The following CHAC2 variants were observed in gnomAD, a reference collection of about 807,000 sequenced individuals.
CHAC2 encodes the protein glutathione-specific gamma-glutamylcyclotransferase 2.
CHAC2 carries 20 observed loss-of-function variants against 16.9 expected under a neutral mutation model. The observed-to-expected ratio is 1.18, with a 90% CI of 0.83 to 1.72. The LOEUF is 1.72. CHAC2 is among the 40% of genes most tolerant of loss of function. CHAC2 has a pLI of 0.00. For missense variants in CHAC2, 269 were observed against 222.2 expected (o/e 1.21, Z -1.34); for synonymous variants, 91 against 77.3 (o/e 1.18, Z -0.93).
Position 53,767,819 on chromosome 2 carries a change from G to GCTT in CHAC2, c.-66_-64dup, listed in dbSNP as rs1243932923. Reference sequence around the variant, plus strand: ...GCGGCCGGTTACTCGCTTACCGGAGGCTTCAGTCCCCGGCGGCGCGGCGAC... The same window carrying GCTT: ...GCGGCCGGTTACTCGCTTACCGGAGGCTTCTTCAGTCCCCGGCGGCGCGGCGAC... On this transcript the variant is annotated 5_prime_UTR_variant, in exon 1 of 3. Coordinates refer to ENST00000295304, the MANE Select transcript of CHAC2 (RefSeq NM_001008708.4). 4.6e-6 allele frequency: 7 copies of GCTT among 1,535,210 alleles called. No individual in the cohort carries two copies. The highest frequency in any genetic ancestry group is 1.4e-5 in the African/African-American group (1 of 72,988).
chr2:53,769,678 G>A (rs1249873548), intron 1 of CHAC2, among the ~76,000 whole-genome samples: 1 of 151,276 alleles, frequency 6.6e-6, no homozygotes, highest in East Asian at 1.9e-4. Flanking sequence ...GAAACCCCCT[G>A]TCTACTAAAA....
intron 1 of CHAC2, among the ~76,000 whole-genome samples, chr2:53,769,458 T>G (rs1313326601): frequency 2.6e-5 from 4 of 152,236 alleles, no homozygotes. Flanking sequence ...AAATGTACAG[T>G]GTGTTACAAA....
Position 53,774,248 on chromosome 2 carries a change from T to G in CHAC2, c.278T>G (p.Ile93Ser), listed in dbSNP as rs1217789781. The G allele has an allele frequency of 1.2e-6, 2 of 1,614,150 alleles. No individual in the cohort carries two copies. Among genetic ancestry groups the G allele is most frequent in the Non-Finnish European group, 1.7e-6 (2 of 1,180,030 alleles). The change falls in exon 3 of 3, where the codon ATT becomes AGT. Residue 93 changes from isoleucine to serine, a missense_variant. Coordinates refer to ENST00000295304, the MANE Select transcript of CHAC2 (RefSeq NM_001008708.4). ...EKGGYRTTTVIFYPKDPTTKP... is the reference protein window; with the variant it reads ...EKGGYRTTTVSFYPKDPTTKP... Reference sequence around the variant, plus strand: ...GGAGGCTACAGAACCACAACAGTCATTTTTTATCCAAAAGATCCCACAACA... The same window carrying G: ...GGAGGCTACAGAACCACAACAGTCAGTTTTTATCCAAAAGATCCCACAACA...
rs751145731 is a variant in CHAC2 at position 53,767,852 on chromosome 2, G to A, written c.-35G>A. On this transcript the variant is annotated 5_prime_UTR_variant, in exon 1 of 3. Transcript: ENST00000295304. ...CCCCGGCGGCGCGGCGACAGCTAGG[G>A]TTCACGGCCACTGGGGCAGAGGAGC... 15 of 1,582,700 alleles carry A rather than the reference G, an allele frequency of 9.5e-6. No homozygotes were observed. The highest frequency in any genetic ancestry group is 1.2e-5 in the Non-Finnish European group (14 of 1,163,960).
intron 1 of CHAC2, 98 bp downstream of exon 1, chr2:53,768,119 C>CT (rs1673622806): frequency 1.3e-5 from 18 of 1,378,292 alleles, no homozygotes; most frequent in Non-Finnish European, 1.6e-5. Flanking sequence ...CACCTTAGCG[C>CT]TTCATGGGGC....
intron 2 of CHAC2, 95 bp from the exon 3 acceptor site, chr2:53,774,047 A>G (rs1674148508): frequency 3.8e-6 from 5 of 1,309,632 alleles, no homozygotes; most frequent in African/African-American, 1.5e-5. Context: ...AACAAACAGA[A>G]AAGAATATAT....
rs1674169712 is a variant in CHAC2 at position 53,774,271 on chromosome 2, A to G, written c.301A>G (p.Thr101Ala). 1.2e-6 allele frequency: 2 copies of G among 1,614,184 alleles called. No individual in the cohort carries two copies. The highest frequency in any genetic ancestry group is 1.7e-6 in the Non-Finnish European group (2 of 1,180,030). ...TVIFYPKDPT[T>A]KPFSVLLYIG... ...CATTTTTTATCCAAAAGATCCCACA[A>G]CAAAACCATTCAGTGTATTGCTATA... Residue 101 changes from threonine (T) to alanine (A), a missense_variant, in exon 3 of 3, where the codon ACA (threonine) becomes GCA (alanine). Coordinates refer to ENST00000295304, the MANE Select transcript of CHAC2 (RefSeq NM_001008708.4).
Position 53,767,890 on chromosome 2 carries a change from T to A in CHAC2, c.4T>A (p.Trp2Arg). 6.2e-7 allele frequency: 1 copy of A among 1,610,272 alleles called. No homozygotes were observed. Among genetic ancestry groups the A allele is most frequent in the Non-Finnish European group, 8.5e-7 (1 of 1,178,420 alleles). M[W>R]VFGYGSLIWK... ...GGGGCAGAGGAGCCGCGAGAAGATG[T>A]GGGTTTTTGGTTACGGGTCCCTGAT... The change falls in exon 1 of 3, where the codon TGG becomes AGG. Residue 2 changes from tryptophan to arginine, a missense_variant. Trp to Arg is a moderately radical substitution (Grantham distance 101). Transcript: ENST00000295304.
rs373573897 is a variant in CHAC2 at position 53,774,191 on chromosome 2, A to T, written c.221A>T (p.Glu74Val). 1.5e-5 allele frequency: 24 copies of T among 1,613,140 alleles called. No homozygotes were observed. The highest frequency in any genetic ancestry group is 1.6e-4 in the Middle Eastern group (1 of 6,078). ...AYRLPVGKEE[E>V]VKAYLDFREK... Reference sequence around the variant, plus strand: ...AGATTGCCAGTAGGAAAGGAAGAAGAAGTAAAAGCATACCTTGACTTCAGA... The same window carrying T: ...AGATTGCCAGTAGGAAAGGAAGAAGTAGTAAAAGCATACCTTGACTTCAGA... The change falls in exon 3 of 3, where the codon GAA becomes GTA. Residue 74 changes from glutamate to valine, a missense_variant. Physicochemically the swap from Glu to Val is moderately radical, Grantham distance 121. Coordinates refer to ENST00000295304, the MANE Select transcript of CHAC2 (RefSeq NM_001008708.4).
At chr2:53,768,397 G>T (rs1345270113) in intron 1 of CHAC2, among the ~76,000 whole-genome samples, 2 of 152,240 alleles carry the variant, frequency 1.3e-5, no homozygotes, top group Admixed American at 6.5e-5. Flanking sequence ...AGTTGAAATA[G>T]TAAATCAAGT....
rs531154748 is a variant in CHAC2, at chr2:53,774,350, T to A, written c.380T>A (p.Ile127Asn). The change falls in exon 3 of 3, where the codon ATT (isoleucine) becomes AAT (asparagine). Residue 127 changes from isoleucine (I) to asparagine (N), a missense_variant. By Grantham distance (149) the Ile-to-Asn change is moderately radical. Coordinates refer to ENST00000295304, the MANE Select transcript of CHAC2 (RefSeq NM_001008708.4). ...DYLGPAPLED[I>N]AEQIFNAAGP... Reference sequence around the variant, plus strand: ...CTTGGTCCTGCACCTCTGGAAGACATTGCTGAACAAATTTTTAATGCAGCT... The same window carrying A: ...CTTGGTCCTGCACCTCTGGAAGACAATGCTGAACAAATTTTTAATGCAGCT... 1 of 1,613,330 alleles carries A rather than the reference T, an allele frequency of 6.2e-7. No individual in the cohort carries two copies. The highest frequency in any genetic ancestry group is 2.2e-5 in the East Asian group (1 of 44,840).
rs975368860 is a variant in CHAC2, at chr2:53,768,205, C to T, written c.135+184C>T. ...CCCGCCATCTCTAACCCAGCCCGGG[C>T]ACTCCTTCCGAAGCTGCTTAAGATG... On this transcript the variant is annotated intron_variant, in intron 1 of 2. Coordinates refer to ENST00000295304, the MANE Select transcript of CHAC2 (RefSeq NM_001008708.4). 6 of 674,888 alleles carry T rather than the reference C, an allele frequency of 8.9e-6. No individual in the cohort carries two copies. The Admixed American group carries it at 1.5e-4, about 17-fold the overall frequency. 41.8% of individuals were successfully genotyped at this position (674,888 alleles called of 1,614,324 possible). A position where few individuals can be genotyped will look rare whatever the true frequency, so the allele number is the denominator to read the frequency against.
At position 53,767,844 on chromosome 2, in the gene CHAC2, C is replaced by T; in HGVS notation, c.-43C>T. 1 of 1,572,098 alleles carries T rather than the reference C, an allele frequency of 6.4e-7. No individual in the cohort carries two copies. The highest frequency in any genetic ancestry group is 8.6e-7 in the Non-Finnish European group (1 of 1,157,528). Reference sequence around the variant, plus strand: ...GCTTCAGTCCCCGGCGGCGCGGCGACAGCTAGGGTTCACGGCCACTGGGGC... The same window carrying T: ...GCTTCAGTCCCCGGCGGCGCGGCGATAGCTAGGGTTCACGGCCACTGGGGC... On this transcript the variant is annotated 5_prime_UTR_variant, in exon 1 of 3. Coordinates refer to ENST00000295304, the MANE Select transcript of CHAC2 (RefSeq NM_001008708.4).
At chr2:53,772,473 C>T (rs942429791) in intron 2 of CHAC2, among the ~76,000 whole-genome samples, 10 of 151,986 alleles carry the variant, frequency 6.6e-5, no homozygotes, top group African/African-American at 4.8e-5. Context: ...CGCGCCCAGC[C>T]GTGGGATTTT....
chr2:53,768,127 G>C (rs1673623392), intron 1 of CHAC2, 106 bp downstream of exon 1: 2 of 1,309,246 alleles, frequency 1.5e-6, no homozygotes, highest in African/African-American at 1.5e-5. Context: ...CGCTTCATGG[G>C]GCCAAAGCAC....
In CHAC2 at chr2:53,774,446, A is replaced by T; in HGVS notation, c.476A>T (p.Glu159Val). Residue 159 changes from glutamate (E) to valine (V), a missense_variant, in exon 3 of 3, where the codon GAA becomes GTA. Glu to Val is a moderately radical substitution (Grantham distance 121, BLOSUM62 -2). Coordinates refer to ENST00000295304, the MANE Select transcript of CHAC2 (RefSeq NM_001008708.4). ...TCTATTAGGAACCTTGTGCCAGAAG[A>T]AGCAGATGAGCATCTTTTCGCTTTG... ...ANSIRNLVPE[E>V]ADEHLFALEK... The T allele has an allele frequency of 6.2e-7, 1 of 1,607,100 alleles. No individual in the cohort carries two copies. Among genetic ancestry groups the T allele is most frequent in the Non-Finnish European group, 8.5e-7 (1 of 1,178,106 alleles).
Position 53,772,128 on chromosome 2 carries a change from G to A in CHAC2, c.171+186G>A, listed in dbSNP as rs548859813. Among the ~76,000 whole-genome samples the A allele has an allele frequency of 1.6e-4, 25 of 152,206 alleles. No individual in the cohort carries two copies. In the South Asian group the frequency reaches 5.2e-3, roughly 32 times the overall value. On this transcript the variant is annotated intron_variant, in intron 2 of 2. Coordinates refer to ENST00000295304, the MANE Select transcript of CHAC2 (RefSeq NM_001008708.4). Reference sequence around the variant, plus strand: ...GGCCAATAAGAAAAGTTAGAATGCAGAGTGCAAGGTAGACAACAACGTACA... The same window carrying A: ...GGCCAATAAGAAAAGTTAGAATGCAAAGTGCAAGGTAGACAACAACGTACA...
rs899008419 is a variant in CHAC2, at chr2:53,774,767, A to G, written c.*242A>G. ...CTTACTCACTAGAAGTGAGTTCTTT[A>G]GAAAAATACAGTGAAGGACTCAGTT... On this transcript the variant is annotated 3_prime_UTR_variant, in exon 3 of 3. Coordinates refer to ENST00000295304, the MANE Select transcript of CHAC2 (RefSeq NM_001008708.4). 18 of 341,704 alleles carry G rather than the reference A, an allele frequency of 5.3e-5. No homozygotes were observed. Among genetic ancestry groups the G allele is most frequent in the Non-Finnish European group, 9.4e-5 (18 of 191,006 alleles). 21.2% of individuals were successfully genotyped at this position (341,704 alleles called of 1,614,324 possible).
intron 1 of CHAC2, among the ~76,000 whole-genome samples, chr2:53,771,215 T>C (rs924960516): frequency 2.6e-5 from 4 of 152,116 alleles, no homozygotes; most frequent in Non-Finnish European, 5.9e-5. Context: ...ATATTTTTTT[T>C]CCCCTAATAA....
Sources: allele counts gnomAD v4.1 joint callset (sites outside exome capture counted in the v4.1 genomes callset), GRCh38; gene constraint gnomAD v4.1.1; transcripts MANE v1.5; gene names NCBI Gene and HGNC (gene_info 2026-07-23, HGNC 2026-07-21).